SEMA4B: variants seen among roughly 807,000 people sequenced by gnomAD.
SEMA4B encodes semaphorin 4B, also known as semaphorin-4B.
Under a neutral mutation model 88.1 loss-of-function variants are expected in SEMA4B, and 55 were observed. The observed-to-expected ratio is 0.62, with a 90% CI of 0.50 to 0.78. SEMA4B has a LOEUF of 0.78. Among genes scored for constraint, SEMA4B ranks in the 30% least tolerant of loss-of-function variants. SEMA4B has a pLI of 0.00. For synonymous variants in SEMA4B, 525 were observed against 473.6 expected (o/e 1.11, Z -1.41); for missense variants, 1,062 against 1,111.9 (o/e 0.96, Z 0.64).
upstream of SEMA4B, among the ~76,000 whole-genome samples, chr15:90,198,429 C>T (rs77547814): frequency 6.6e-6 from 1 of 152,186 alleles, no homozygotes; most frequent in Non-Finnish European, 1.5e-5. Flanking sequence ...TCTGCCCTCT[C>T]AGTCAGCATT....
At chr15:90,194,797 G>A (rs1960451474) in intron 1 of SEMA4B, among the ~76,000 whole-genome samples, 1 of 152,204 alleles carries the variant, frequency 6.6e-6, no homozygotes, top group Non-Finnish European at 1.5e-5. Context: ...GTTTTTGCCA[G>A]TCACATTCAT....
intron 1 of SEMA4B, chr15:90,206,807 G>A (rs1961013412): frequency 1.4e-6 from 1 of 736,246 alleles, no homozygotes; most frequent in East Asian, 2.5e-5. Context: ...AATTAAGGTT[G>A]ATGACAAAAG....
chr15:90,224,102 C>G (rs34626287), intron 9 of SEMA4B, 114 bp downstream of exon 9: 151,046 of 957,300 alleles, frequency 0.16, 12,604 homozygotes, highest in South Asian at 0.25. Flanking sequence ...CTCTGAATCT[C>G]TTTTCTCATC....
At chr15:90,227,235 A>T (rs1297432273) in intron 12 of SEMA4B, 7 of 283,772 alleles carry the variant, frequency 2.5e-5, no homozygotes. Context: ...TTTTGTAGAG[A>T]TGGGGTCTCG....
In SEMA4B at chr15:90,228,462, C is replaced by T; in HGVS notation, c.2333C>T (p.Pro778Leu). The T allele has an allele frequency of 6.2e-7, 1 of 1,610,420 alleles. No individual in the cohort carries two copies. The highest frequency in any genetic ancestry group is 8.5e-7 in the Non-Finnish European group (1 of 1,178,852). ...ETRPLNGLGP[P>L]STPLDHRGYQ... ...CGCCCACTCAACGGCCTAGGGCCCC[C>T]TAGCACCCCGCTCGATCACCGAGGG... The change falls in exon 14 of 14, where the codon CCT (proline) becomes CTT (leucine). Residue 778 changes from proline (P) to leucine (L), a missense_variant. By Grantham distance (98) the Pro-to-Leu change is moderately conservative (BLOSUM62 -3). Coordinates refer to ENST00000411539, the MANE Select transcript of SEMA4B (RefSeq NM_198925.4).
At chr15:90,195,553 TG>T (rs1960473255) in intron 1 of SEMA4B, among the ~76,000 whole-genome samples, 1 of 152,206 alleles carries the variant, frequency 6.6e-6, no homozygotes, top group Admixed American at 6.5e-5. Flanking sequence ...TTGTTAGATC[TG>T]GGTTACAACA....
At chr15:90,217,725 C>G in intron 2 of SEMA4B, 42 bp from the exon 3 acceptor site, 3 of 1,602,752 alleles carry the variant, frequency 1.9e-6, no homozygotes, top group Non-Finnish European at 2.6e-6. Context: ...GCTCAGCAAA[C>G]CCTCCATTTT....
At chr15:90,206,977 C>G (rs1163326406) in intron 1 of SEMA4B, 1 of 526,078 alleles carries the variant, frequency 1.9e-6, no homozygotes, top group Admixed American at 2.9e-5. Flanking sequence ...AAGAAAATAT[C>G]TTTGGCTCAC....
chr15:90,225,590 A>T, intron 11 of SEMA4B, 71 bp from the exon 12 acceptor site: 5 of 1,515,092 alleles, frequency 3.3e-6, no homozygotes, highest in Non-Finnish European at 3.6e-6. Context: ...GGAGGCATAC[A>T]AGCCGGGTGG....
At position 90,218,208 on chromosome 15, in the gene SEMA4B, G is replaced by C. The variant is rs138009365; in HGVS notation, c.384+379G>C. Among the ~76,000 whole-genome samples the C allele has an allele frequency of 4.1e-3, 622 of 152,312 alleles. 1 individual carries two copies. Among genetic ancestry groups the C allele is most frequent in the Non-Finnish European group, 6.7e-3 (458 of 68,010 alleles). ...GGGGTGAGAGTTGTGTCCCTCTGCAGATGGTTCCTGATGTAGCACATCTGA... is the reference window on the plus strand; with the variant it reads ...GGGGTGAGAGTTGTGTCCCTCTGCACATGGTTCCTGATGTAGCACATCTGA... On this transcript the variant is annotated intron_variant, in intron 3 of 13. Coordinates refer to ENST00000411539, the MANE Select transcript of SEMA4B (RefSeq NM_198925.4).
chr15:90,191,098 C>G (rs971736951), intron 1 of SEMA4B, among the ~76,000 whole-genome samples: 1 of 152,210 alleles, frequency 6.6e-6, no homozygotes, highest in East Asian at 1.9e-4. Context: ...ATGTTCTACC[C>G]TGTCAGGGCA....
upstream of SEMA4B, among the ~76,000 whole-genome samples, chr15:90,199,904 C>T (rs2151590978): frequency 6.6e-6 from 1 of 152,032 alleles, no homozygotes; most frequent in East Asian, 1.9e-4. Context: ...GTTTGGGTAT[C>T]ACTGGCTGTA....
At chr15:90,206,564 A>C in intron 1 of SEMA4B, 1 of 506,554 alleles carries the variant, frequency 2.0e-6, no homozygotes, top group Non-Finnish European at 3.6e-6. Context: ...CCCGTAACCC[A>C]CTGCCATGGC....
rs761279318 is a variant in SEMA4B, at chr15:90,201,855, A to G, written c.157+120A>G. On this transcript the variant is annotated intron_variant, in intron 1 of 13. Coordinates refer to ENST00000411539, the MANE Select transcript of SEMA4B (RefSeq NM_198925.4). ...GGGACCTGTCGGAGGCACGGGATCC[A>G]TTAGGACCCCTTCTTTTTTCAAGGC... The G allele has an allele frequency of 6.2e-6, 6 of 962,406 alleles. No individual in the cohort carries two copies. The East Asian group carries it at 1.3e-4, about 21-fold the overall frequency. The allele number at this position is 962,406 out of a possible 1,614,324, so 59.6% of individuals were successfully genotyped here.
Position 90,229,312 on chromosome 15 carries a change from C to A in SEMA4B, c.*669C>A, listed in dbSNP as rs765176905. 1.8e-5 allele frequency: 8 copies of A among 456,910 alleles called. No homozygotes were observed. Among genetic ancestry groups the A allele is most frequent in the Admixed American group, 7.0e-5 (3 of 42,574 alleles). The allele number at this position is 456,910 out of a possible 1,614,324, so 28.3% of individuals were successfully genotyped here. A position where few individuals can be genotyped will look rare whatever the true frequency, so the allele number is the denominator to read the frequency against. ...CAGCCTGTATCAGGCTGTGGCCACA[C>A]GAGAGGACAGCGCGAGCTCAGGAGA... On this transcript the variant is annotated 3_prime_UTR_variant, in exon 14 of 14. Transcript: ENST00000411539.
At chr15:90,216,384 A>G (rs1245211860) in intron 1 of SEMA4B, among the ~76,000 whole-genome samples, 2 of 152,102 alleles carry the variant, frequency 1.3e-5, no homozygotes, top group African/African-American at 4.8e-5. Flanking sequence ...ATATTCTGTC[A>G]CCGTACTGTA....
intron 13 of SEMA4B, 95 bp downstream of exon 13, chr15:90,227,737 C>T: frequency 1.4e-6 from 2 of 1,474,760 alleles, no homozygotes; most frequent in Non-Finnish European, 1.9e-6. Context: ...CCTTTCCTCA[C>T]TTCCTTGCCC....
chr15:90,189,266 A>C (rs1215838416), intron 1 of SEMA4B, among the ~76,000 whole-genome samples: 2 of 152,214 alleles, frequency 1.3e-5, no homozygotes, highest in Non-Finnish European at 2.9e-5. Context: ...TTATATTATC[A>C]GAAGAGGTGG....
intron 1 of SEMA4B, among the ~76,000 whole-genome samples, chr15:90,196,158 G>T (rs1401696865): frequency 4.1e-5 from 6 of 146,722 alleles, no homozygotes; most frequent in Admixed American, 3.4e-4. Context: ...TCGATCTCCT[G>T]ACCTCGTGAT....
Sources: allele counts gnomAD v4.1 joint callset (sites outside exome capture counted in the v4.1 genomes callset), GRCh38; gene constraint gnomAD v4.1.1; transcripts MANE v1.5; gene names NCBI Gene and HGNC (gene_info 2026-07-23, HGNC 2026-07-21).